PPARGC1A: variants seen among roughly 807,000 people sequenced by gnomAD.
PPARGC1A encodes the protein PPARG coactivator 1 alpha.
In PPARGC1A, 25 loss-of-function variants were observed where a neutral mutation model predicts 88.7. The observed-to-expected ratio is 0.28, with a 90% CI of 0.21 to 0.39. The LOEUF (loss-of-function observed/expected upper bound fraction) is 0.39. Among genes scored for constraint, PPARGC1A ranks in the 10% least tolerant of loss-of-function variants. The probability of loss-of-function intolerance (pLI) is 1.00; values close to 1 mark genes in which losing one functional copy is unlikely to be tolerated. For missense variants in PPARGC1A, 880 were observed against 968.7 expected (o/e 0.91, Z 1.22); for synonymous variants, 363 against 355.6 (o/e 1.02, Z -0.24).
At chr4:24,182,433 T>C in the PPARGC1A span, among the ~76,000 whole-genome samples, 1 of 152,226 alleles carries the variant, frequency 6.6e-6, no homozygotes, top group Non-Finnish European at 1.5e-5. Flanking sequence ...GTCTTTGCTA[T>C]TGTAAATAGT....
the PPARGC1A span, among the ~76,000 whole-genome samples, chr4:24,169,216 C>T: frequency 1.3e-5 from 2 of 152,124 alleles, no homozygotes; most frequent in East Asian, 1.9e-4. Flanking sequence ...TACAAAATTC[C>T]GGACCAGTCC....
At chr4:24,399,863 A>T in the PPARGC1A span, among the ~76,000 whole-genome samples, 2 of 150,104 alleles carry the variant, frequency 1.3e-5, no homozygotes, top group African/African-American at 4.9e-5. Context: ...ATCTTGGCTC[A>T]CTGCAACCTC....
At chr4:24,137,401 C>T in the PPARGC1A span, among the ~76,000 whole-genome samples, 5 of 152,028 alleles carry the variant, frequency 3.3e-5, no homozygotes, top group East Asian at 5.8e-4. Flanking sequence ...TATGGTAGCC[C>T]GAGCAAACTA....
At chr4:24,163,566 C>T in the PPARGC1A span, among the ~76,000 whole-genome samples, 7 of 152,170 alleles carry the variant, frequency 4.6e-5, no homozygotes, top group Admixed American at 2.0e-4. Context: ...AAAGGGAAAT[C>T]GGAATAATTA....
At chr4:23,957,325 G>T in the PPARGC1A span, among the ~76,000 whole-genome samples, 1 of 152,126 alleles carries the variant, frequency 6.6e-6, no homozygotes, top group South Asian at 2.1e-4. Flanking sequence ...TTTCCCCTAG[G>T]AATGTTGACC....
the PPARGC1A span, among the ~76,000 whole-genome samples, chr4:24,128,157 TC>T: frequency 6.6e-5 from 10 of 152,052 alleles, no homozygotes; most frequent in African/African-American, 2.2e-4. Flanking sequence ...TTGATCAGCA[TC>T]CCCCACTTTG....
the PPARGC1A span, among the ~76,000 whole-genome samples, chr4:24,331,280 C>T: frequency 6.6e-4 from 100 of 152,212 alleles, 1 homozygote; most frequent in Middle Eastern, 6.8e-3. Flanking sequence ...CCCTGGAATA[C>T]GCTTTCTTAG....
the PPARGC1A span, among the ~76,000 whole-genome samples, chr4:24,051,330 T>G: frequency 2.0e-5 from 3 of 151,688 alleles, no homozygotes; most frequent in South Asian, 4.2e-4. Flanking sequence ...AGAGGAAATA[T>G]CTTTATATTT....
At chr4:24,173,581 C>T in the PPARGC1A span, among the ~76,000 whole-genome samples, 7 of 152,216 alleles carry the variant, frequency 4.6e-5, no homozygotes, top group South Asian at 1.5e-3. Context: ...TGCCTGGGAG[C>T]ATTAGTTATC....
At chr4:24,184,469 G>C in the PPARGC1A span, among the ~76,000 whole-genome samples, 1 of 152,190 alleles carries the variant, frequency 6.6e-6, no homozygotes, top group South Asian at 2.1e-4. Flanking sequence ...CTGGTATTGT[G>C]GGAGGTGCCT....
the PPARGC1A span, among the ~76,000 whole-genome samples, chr4:24,103,115 G>A: frequency 6.6e-6 from 1 of 152,100 alleles, no homozygotes; most frequent in African/African-American, 2.4e-5. Flanking sequence ...AAACAATTCT[G>A]CATGATATCA....
At chr4:24,093,218 C>T in the PPARGC1A span, among the ~76,000 whole-genome samples, 1 of 152,212 alleles carries the variant, frequency 6.6e-6, no homozygotes, top group Non-Finnish European at 1.5e-5. Flanking sequence ...CCAAGGTCTA[C>T]TCAATGCTAC....
At chr4:23,905,774 G>A (rs186697408), upstream of PPARGC1A, among the ~76,000 whole-genome samples, 262 of 152,312 alleles carry the variant, frequency 1.7e-3, 1 homozygote, top group Non-Finnish European at 2.1e-3. Context: ...AAAGACAAAA[G>A]CTTGTAAGTG....
At chr4:24,091,446 T>A in the PPARGC1A span, 1 of 985,278 alleles carries the variant, frequency 1.0e-6, no homozygotes, top group Non-Finnish European at 1.2e-6. Context: ...GGGTCCTGTG[T>A]GGAGCTGAGG....
the PPARGC1A span, among the ~76,000 whole-genome samples, chr4:24,001,280 G>A: frequency 6.6e-6 from 1 of 152,128 alleles, no homozygotes. Flanking sequence ...AAGTGGGGAG[G>A]AAATAATTCA....
the PPARGC1A span, among the ~76,000 whole-genome samples, chr4:24,082,829 T>A: frequency 1.5e-4 from 23 of 151,928 alleles, no homozygotes; most frequent in Non-Finnish European, 3.2e-4. Flanking sequence ...TGGGCCCCCA[T>A]CAGAACAATC....
At chr4:24,213,231 A>G in the PPARGC1A span, among the ~76,000 whole-genome samples, 1 of 143,438 alleles carries the variant, frequency 7.0e-6, no homozygotes, top group Non-Finnish European at 1.5e-5. Flanking sequence ...CAGTGGCGCG[A>G]TCTCGGCTCA....
the PPARGC1A span, among the ~76,000 whole-genome samples, chr4:24,144,426 G>A: frequency 6.6e-6 from 1 of 151,990 alleles, no homozygotes; most frequent in Admixed American, 6.6e-5. Flanking sequence ...TGGCTTTAAG[G>A]ACAGCTTCCC....
At chr4:24,243,489 G>A in the PPARGC1A span, among the ~76,000 whole-genome samples, 1 of 152,138 alleles carries the variant, frequency 6.6e-6, no homozygotes, top group East Asian at 1.9e-4. Flanking sequence ...GCGTGCTGTG[G>A]TGCAACTAGA....
Sources: allele counts gnomAD v4.1 joint callset (sites outside exome capture counted in the v4.1 genomes callset), GRCh38; gene constraint gnomAD v4.1.1; transcripts MANE v1.5; gene names NCBI Gene and HGNC (gene_info 2026-07-23, HGNC 2026-07-21).